The following NPC1 variants were observed in gnomAD, a reference collection of about 807,000 sequenced individuals.
NPC1 encodes NPC intracellular cholesterol transporter 1, also known as Niemann-Pick C1 protein.
A neutral mutation model predicts 140.4 loss-of-function variants in NPC1; 85 were observed. That is an observed-to-expected ratio of 0.61 (90% CI 0.51 to 0.72). NPC1 has a LOEUF of 0.72. Among genes scored for constraint, NPC1 ranks in the 30% least tolerant of loss-of-function variants. The pLI is 0.00. For missense variants in NPC1, 1,504 were observed against 1,623.8 expected, an observed-to-expected ratio of 0.93 and a Z score of 1.27; for synonymous variants, 656 against 624.8, an observed-to-expected ratio of 1.05 and a Z score of -0.74.
At chr18:23,514,079 C>G (rs2057934829) in intron 3 of NPC1, among the ~76,000 whole-genome samples, 1 of 152,116 alleles carries the variant, frequency 6.6e-6, no homozygotes, top group African/African-American at 2.4e-5. Context: ...CTAAGGGGAA[C>G]TAATTTAGAG....
intron 1 of NPC1, among the ~76,000 whole-genome samples, chr18:23,582,500 A>G (rs2059368038): frequency 6.6e-6 from 1 of 152,154 alleles, no homozygotes; most frequent in Non-Finnish European, 1.5e-5. Context: ...CAAATATCTT[A>G]TGATCAAAGA....
chr18:23,584,853 T>G lies in NPC1; in HGVS notation c.57+1434A>C, dbSNP rs149669786. The stretch of plus-strand genomic sequence containing the variant: ...CAGACTGGGCAACAGAGACTCTGTC[T>G]CCAAAAAAAAGGGAAGCCTATTTAA... On this transcript the variant is annotated intron_variant, in intron 1 of 24. Coordinates refer to ENST00000269228, the MANE Select transcript of NPC1 (RefSeq NM_000271.5). Among the ~76,000 whole-genome samples, 603 of 151,834 alleles carry G rather than the reference T, an allele frequency of 4.0e-3. 5 individuals are homozygous for G. Among genetic ancestry groups the G allele is most frequent in the African/African-American group, 0.014 (580 of 41,424 alleles).
At chr18:23,509,173 T>C (rs2057785287) in intron 3 of NPC1, 3 of 1,132,788 alleles carry the variant, frequency 2.6e-6, no homozygotes, top group Non-Finnish European at 1.2e-6. Flanking sequence ...TTAAAAATAT[T>C]TTTAAAAAAT....
intron 8 of NPC1, 130 bp from the exon 9 acceptor site, chr18:23,555,114 G>T: frequency 1.4e-6 from 1 of 723,792 alleles, no homozygotes; most frequent in Non-Finnish European, 2.4e-6. Context: ...TAAGATGAGG[G>T]AGAGAATTAA....
In NPC1 at chr18:23,541,087, T is replaced by C. The variant is rs777638790; in HGVS notation, c.2495A>G (p.Asp832Gly). 1.2e-6 allele frequency: 2 copies of C among 1,614,010 alleles called. No homozygotes were observed. The highest frequency in any genetic ancestry group is 1.3e-5 in the African/African-American group (1 of 74,892). Residue 832 changes from aspartate to glycine, a missense_variant, in exon 16 of 25, where the codon GAC becomes GGC. Coordinates refer to ENST00000269228, the MANE Select transcript of NPC1 (RefSeq NM_000271.5). Reference sequence around the variant, plus strand: ...GCATACCACAATTGGTCTCATCCAGTCCTTTAGCAGAAGTGGAGAATAGGA... The same window carrying C: ...GCATACCACAATTGGTCTCATCCAGCCCTTTAGCAGAAGTGGAGAATAGGA... ...KNSYSPLLLK[D>G]WMRPIVIAIF...
At chr18:23,513,057 G>A (rs1257792000) in intron 3 of NPC1, among the ~76,000 whole-genome samples, 2 of 152,010 alleles carry the variant, frequency 1.3e-5, no homozygotes, top group Non-Finnish European at 2.9e-5. Context: ...GGGTTCAGGC[G>A]ATTCTCCTGT....
chr18:23,540,342 AG>A, intron 17 of NPC1, 105 bp downstream of exon 17: 1 of 766,348 alleles, frequency 1.3e-6, no homozygotes, highest in Non-Finnish European at 2.2e-6. Flanking sequence ...CACCATTTGC[AG>A]TTAGAAGCAG....
chr18:23,524,462 T>A, downstream of NPC1: 3 of 1,614,136 alleles, frequency 1.9e-6, no homozygotes, highest in Non-Finnish European at 2.5e-6. Context: ...CAACCTGACA[T>A]CATTATCAGC....
intron 5 of NPC1, among the ~76,000 whole-genome samples, chr18:23,560,769 C>T (rs1013073695): frequency 6.6e-6 from 1 of 152,338 alleles, no homozygotes; most frequent in South Asian, 2.1e-4. Flanking sequence ...TTCTCAGGAG[C>T]TAATACTATA....
At chr18:23,565,155 A>T (rs1343628541) in intron 4 of NPC1, among the ~76,000 whole-genome samples, 1 of 152,068 alleles carries the variant, frequency 6.6e-6, no homozygotes, top group East Asian at 1.9e-4. Flanking sequence ...TCAAACTTCT[A>T]TGTGAATTTC....
At chr18:23,547,713 G>C (rs1233963101) in intron 11 of NPC1, among the ~76,000 whole-genome samples, 1 of 152,202 alleles carries the variant, frequency 6.6e-6, no homozygotes, top group Admixed American at 6.5e-5. Flanking sequence ...CTGCACCCCA[G>C]CCTGGGCAAA....
intron 16 of NPC1, among the ~76,000 whole-genome samples, 156 bp from the exon 17 acceptor site, chr18:23,540,693 C>T (rs1439549736): frequency 6.6e-6 from 1 of 152,196 alleles, no homozygotes; most frequent in Non-Finnish European, 1.5e-5. Flanking sequence ...GGTGAGACCA[C>T]AGCACCAGGA....
At chr18:23,552,995 G>A (rs2145438656) in intron 9 of NPC1, among the ~76,000 whole-genome samples, 1 of 152,354 alleles carries the variant, frequency 6.6e-6, no homozygotes, top group East Asian at 1.9e-4. Flanking sequence ...TGCCATTACT[G>A]CAGGACCCTC....
At chr18:23,519,534 T>A (rs987536260), downstream of NPC1, among the ~76,000 whole-genome samples, 2 of 150,506 alleles carry the variant, frequency 1.3e-5, no homozygotes, top group Admixed American at 6.6e-5. Context: ...AAAAAAAAAA[T>A]TGGCAAAATG....
chr18:23,557,037 G>T lies in NPC1; in HGVS notation c.955+80C>A, dbSNP rs890941598. ...CTGGCACACCACCTCACCCACTGCT[G>T]CAACCCCACTGAGGAAACGAATGCT... On this transcript the variant is annotated intron_variant, in intron 7 of 24. Transcript: ENST00000269228. The T allele has an allele frequency of 3.3e-6, 4 of 1,200,984 alleles. No individual in the cohort carries two copies. In the African/African-American group the frequency reaches 6.0e-5, roughly 18 times the overall value. 74.4% of individuals were successfully genotyped at this position (1,200,984 alleles called of 1,614,324 possible). A position where few individuals can be genotyped will look rare whatever the true frequency, so the allele number is the denominator to read the frequency against.
Position 23,534,194 on chromosome 18 carries a change from G to A in NPC1, c.3591+252C>T, listed in dbSNP as rs1393156313. On this transcript the variant is annotated intron_variant, in intron 23 of 24. Transcript: ENST00000269228. Reference sequence around the variant, plus strand: ...GCATTTTAAATGGGAAAGACTGCCAGCTGTCTCATGTTTAACTTGTCTGTT... The same window carrying A: ...GCATTTTAAATGGGAAAGACTGCCAACTGTCTCATGTTTAACTTGTCTGTT... The A allele has an allele frequency of 5.8e-5, 34 of 584,256 alleles. No homozygotes were observed. The East Asian group carries it at 9.6e-4, about 17-fold the overall frequency. 36.2% of individuals were successfully genotyped at this position (584,256 alleles called of 1,614,324 possible).
intron 5 of NPC1, among the ~76,000 whole-genome samples, 154 bp downstream of exon 5, chr18:23,561,206 C>T (rs2059033450): frequency 6.6e-6 from 1 of 152,172 alleles, no homozygotes; most frequent in Non-Finnish European, 1.5e-5. Context: ...GAGATGGGGC[C>T]TCACTACATT....
At chr18:23,530,596 C>T (rs748229665), downstream of NPC1, 35 of 1,613,484 alleles carry the variant, frequency 2.2e-5, no homozygotes, top group Non-Finnish European at 2.9e-5. Context: ...TGCGAGGGAG[C>T]CCCAATTTCA....
chr18:23,554,809 T>C lies in NPC1; in HGVS notation c.1502A>G (p.Asp501Gly). The C allele has an allele frequency of 6.2e-7, 1 of 1,614,088 alleles. No individual in the cohort carries two copies. The highest frequency in any genetic ancestry group is 1.7e-5 in the Admixed American group (1 of 60,018). Residue 501 changes from aspartate (D) to glycine (G), a missense_variant, in exon 9 of 25, where the codon GAC becomes GGC. Asp to Gly is a moderately conservative substitution (Grantham distance 94). Coordinates refer to ENST00000269228, the MANE Select transcript of NPC1 (RefSeq NM_000271.5). ...GTAATCGGCATACACAAAGAAGTCGTCCCCTTTCTTGTGGTCCAGCACGGA... is the reference window on the plus strand; with the variant it reads ...GTAATCGGCATACACAAAGAAGTCGCCCCCTTTCTTGTGGTCCAGCACGGA... The part of the protein sequence containing the change: ...SHSVLDHKKG[D>G]DFFVYADYHT...
Sources: allele counts gnomAD v4.1 joint callset (sites outside exome capture counted in the v4.1 genomes callset), GRCh38; gene constraint gnomAD v4.1.1; transcripts MANE v1.5; gene names NCBI Gene and HGNC (gene_info 2026-07-23, HGNC 2026-07-21).